The following TRPM4 variants were observed in gnomAD, a reference collection of about 807,000 sequenced individuals.
The protein encoded by TRPM4 is transient receptor potential cation channel subfamily M member 4, also known as calcium-activated non-selective cation channel 1.
A neutral mutation model predicts 135.6 loss-of-function variants in TRPM4; 124 were observed. The observed-to-expected ratio is 0.91, with a 90% CI of 0.79 to 1.06. The LOEUF (loss-of-function observed/expected upper bound fraction) is 1.06. Ranked by LOEUF, TRPM4 falls within the 50% of genes least tolerant of loss-of-function variation. TRPM4 has a pLI of 0.00. For synonymous variants in TRPM4, 745 were observed against 705.6 expected, an observed-to-expected ratio of 1.06 and a Z score of -0.88; for missense variants, 1,658 against 1,671.4, an observed-to-expected ratio of 0.99 and a Z score of 0.14.
chr19:49,176,001 G>A (rs1967678656), intron 9 of TRPM4, among the ~76,000 whole-genome samples: 1 of 148,562 alleles, frequency 6.7e-6, no homozygotes, highest in Non-Finnish European at 1.5e-5. Context: ...TCAGCTCACT[G>A]CAACCTCCTC....
At chr19:49,165,794 A>G (rs886394936) in intron 2 of TRPM4, among the ~76,000 whole-genome samples, 4 of 151,994 alleles carry the variant, frequency 2.6e-5, no homozygotes, top group East Asian at 1.9e-4. Context: ...GGTGACAGTG[A>G]CCTGCTTCTT....
In TRPM4 at chr19:49,171,909, A is replaced by G; in HGVS notation, c.1051-100A>G. 1 of 1,361,284 alleles carries G rather than the reference A, an allele frequency of 7.3e-7. No homozygotes were observed. The highest frequency in any genetic ancestry group is 1.0e-6 in the Non-Finnish European group (1 of 954,050). 84.3% of individuals were successfully genotyped at this position (1,361,284 alleles called of 1,614,324 possible). The stretch of plus-strand genomic sequence containing the variant: ...GAGGGTGCTGGGCATATAGACTATT[A>G]GGTCCTGGAGGGGAATGGCCTCCTC... On this transcript the variant is annotated intron_variant, in intron 8 of 24. Coordinates refer to ENST00000252826, the MANE Select transcript of TRPM4 (RefSeq NM_017636.4). This position sits in a 1 kb window ranked among gnomAD's most constrained non-coding sequence, Gnocchi z 4.7.
At chr19:49,163,705 G>A (rs1437597677) in intron 2 of TRPM4, among the ~76,000 whole-genome samples, 2 of 152,138 alleles carry the variant, frequency 1.3e-5, no homozygotes, top group Non-Finnish European at 2.9e-5. Context: ...CTATTGCCCA[G>A]GCTGTTCTCA....
intron 6 of TRPM4, among the ~76,000 whole-genome samples, chr19:49,169,783 C>T (rs973370067): frequency 4.6e-5 from 7 of 151,820 alleles, no homozygotes; most frequent in Non-Finnish European, 7.4e-5. Flanking sequence ...GCCTCAAACT[C>T]GTGGTCGAAA....
chr19:49,193,670 A>T (rs1193326876), intron 16 of TRPM4, among the ~76,000 whole-genome samples: 1 of 152,042 alleles, frequency 6.6e-6, no homozygotes, highest in Non-Finnish European at 1.5e-5. Context: ...GTGATTCAAG[A>T]TGGCAGATGT....
At chr19:49,184,086 C>T (rs1270207328) in intron 12 of TRPM4, among the ~76,000 whole-genome samples, 1 of 152,010 alleles carries the variant, frequency 6.6e-6, no homozygotes, top group Non-Finnish European at 1.5e-5. Context: ...CTTGGAGTTC[C>T]TTGAGCTTCC....
chr19:49,190,163 G>A (rs1968355660), intron 14 of TRPM4, 45 bp from the exon 15 acceptor site: 1 of 1,544,984 alleles, frequency 6.5e-7, no homozygotes, highest in Non-Finnish European at 9.0e-7. Flanking sequence ...TTAGGGACGG[G>A]GCTGTGGGGG....
intron 16 of TRPM4, among the ~76,000 whole-genome samples, chr19:49,196,128 G>A (rs866212254): frequency 5.3e-5 from 8 of 151,894 alleles, no homozygotes; most frequent in Middle Eastern, 3.4e-3. Context: ...AAAGTGCTGC[G>A]ATTACAGGCG....
At position 49,196,501 on chromosome 19, in the gene TRPM4, T is replaced by TGCTGCGGGGGCC. The variant is rs113100797; in HGVS notation, c.2283_2294dup (p.Cys763_Arg766dup). ...CCCGCGCCAGTCGGGCCGTCCGGGT[T>TGCTGCGGGGGCC]GCTGCGGGGGCCGCTGCGGGGGGCG... is the stretch of plus-strand genomic sequence containing the variant. On this transcript the variant is annotated inframe_insertion, in exon 17 of 25. Coordinates refer to ENST00000252826, the MANE Select transcript of TRPM4 (RefSeq NM_017636.4). The TGCTGCGGGGGCC allele has an allele frequency of 8.4e-6, 13 of 1,555,966 alleles. No individual in the cohort carries two copies. Among genetic ancestry groups the TGCTGCGGGGGCC allele is most frequent in the East Asian group, 2.4e-5 (1 of 41,986 alleles).
intron 16 of TRPM4, among the ~76,000 whole-genome samples, chr19:49,193,509 G>A (rs900671253): frequency 6.6e-6 from 1 of 152,140 alleles, no homozygotes; most frequent in East Asian, 1.9e-4. Flanking sequence ...TGGTAGAGCC[G>A]AGATTTGATC....
rs1335042309 is a variant in TRPM4 at position 49,182,764 on chromosome 19, G to T, written c.1450G>T (p.Ala484Ser). ...CCTTTTGGACCAGGCGTCCCACAGCGCAGGCACCAAAGCCCCAGCCCTAAA... is the reference window on the plus strand; with the variant it reads ...CCTTTTGGACCAGGCGTCCCACAGCTCAGGCACCAAAGCCCCAGCCCTAAA... ...RNLLDQASHS[A>S]GTKAPALKGG... Residue 484 changes from alanine (A) to serine (S), a missense_variant, in exon 11 of 25, where the codon GCA (alanine) becomes TCA (serine). Around this residue, in one of 3 missense-constraint regions of TRPM4, gnomAD observed 1,412 missense variants for 1,408.7 expected, o/e 1.00. Transcript: ENST00000252826. 6.2e-7 allele frequency: 1 copy of T among 1,613,674 alleles called. No individual in the cohort carries two copies. Among genetic ancestry groups the T allele is most frequent in the Non-Finnish European group, 8.5e-7 (1 of 1,179,664 alleles).
chr19:49,184,261 A>G (rs888672276), intron 12 of TRPM4, among the ~76,000 whole-genome samples: 1 of 151,160 alleles, frequency 6.6e-6, no homozygotes, highest in Non-Finnish European at 1.5e-5. Flanking sequence ...GGCTCTGCTT[A>G]TTTTCCTTCA....
chr19:49,210,511 A>G lies in TRPM4; in HGVS notation c.3328+106A>G. The G allele has an allele frequency of 2.0e-6, 3 of 1,472,688 alleles. No individual in the cohort carries two copies. The highest frequency in any genetic ancestry group is 2.8e-6 in the Non-Finnish European group (3 of 1,076,242). 91.2% of individuals were successfully genotyped at this position (1,472,688 alleles called of 1,614,324 possible). On this transcript the variant is annotated intron_variant, in intron 21 of 24. Transcript: ENST00000252826. This position sits in a 1 kb window ranked among gnomAD's most constrained non-coding sequence, Gnocchi z 4.1. ...AATGACTAACGGGCGTGGCTTAGGT[A>G]GCGAGGGGCGGGGTTTAAGCAACAA...
Position 49,211,544 on chromosome 19 carries a change from C to T in TRPM4, c.*46C>T. 1 of 1,613,550 alleles carries T rather than the reference C, an allele frequency of 6.2e-7. No individual in the cohort carries two copies. Among genetic ancestry groups the T allele is most frequent in the South Asian group, 1.1e-5 (1 of 91,084 alleles). Reference sequence around the variant, plus strand: ...GGAGAAGCCCCCACAGGGGATTTTGCTCCTAGAGTAAGGCTCATCTGGGCC... The same window carrying T: ...GGAGAAGCCCCCACAGGGGATTTTGTTCCTAGAGTAAGGCTCATCTGGGCC... On this transcript the variant is annotated 3_prime_UTR_variant, in exon 25 of 25. Transcript: ENST00000252826. The surrounding 1 kb of genome is among the most constrained non-coding windows in gnomAD (Gnocchi z 4.8).
chr19:49,177,327 C>T (rs1600439231), intron 9 of TRPM4, among the ~76,000 whole-genome samples: 3 of 139,098 alleles, frequency 2.2e-5, no homozygotes, highest in South Asian at 4.6e-4. Flanking sequence ...GTCATGAATG[C>T]GTCTTTTTTT....
rs1160531996 is a variant in TRPM4, at chr19:49,172,090, T to C, written c.1132T>C (p.Leu378=). The C allele has an allele frequency of 3.1e-6, 5 of 1,613,736 alleles. No homozygotes were observed. Among genetic ancestry groups the C allele is most frequent in the East Asian group, 2.2e-5 (1 of 44,888 alleles). Residue 378 remains leucine, a synonymous_variant, in exon 9 of 25, where the codon TTG becomes CTG. Transcript: ENST00000252826. ...DGSEEFETIV[L]KALVKACGSS... ...GTCTGAGGAATTCGAGACCATAGTT[T>C]TGAAGGCCCTTGTGAAGGGTAAAAG...
intron 19 of TRPM4, among the ~76,000 whole-genome samples, 185 bp downstream of exon 19, chr19:49,200,970 C>A (rs557583215): frequency 9.2e-5 from 14 of 151,972 alleles, no homozygotes; most frequent in Non-Finnish European, 1.9e-4. Flanking sequence ...TACCCCACCC[C>A]CTCTGTCTTT....
At position 49,170,416 on chromosome 19, in the gene TRPM4, T is replaced by G. The variant is rs140152111; in HGVS notation, c.797-941T>G. Among the ~76,000 whole-genome samples the G allele has an allele frequency of 5.9e-3, 903 of 152,156 alleles. 12 individuals are homozygous for G. Among genetic ancestry groups the G allele is most frequent in the African/African-American group, 0.021 (862 of 41,506 alleles). On this transcript the variant is annotated intron_variant, in intron 6 of 24. Coordinates refer to ENST00000252826, the MANE Select transcript of TRPM4 (RefSeq NM_017636.4). Reference sequence around the variant, plus strand: ...GTTGGCCAGGCTGGTCTTGAACTCTTGACCTCAGGTGATCCACCCGCCTCG... The same window carrying G: ...GTTGGCCAGGCTGGTCTTGAACTCTGGACCTCAGGTGATCCACCCGCCTCG...
intron 16 of TRPM4, 28 bp from the exon 17 acceptor site, chr19:49,196,412 T>C: frequency 6.6e-7 from 1 of 1,515,514 alleles, no homozygotes; most frequent in Non-Finnish European, 8.8e-7. Flanking sequence ...GAGTGAGGCC[T>C]CCTCCCTTCT....
Sources: allele counts gnomAD v4.1 joint callset (sites outside exome capture counted in the v4.1 genomes callset), GRCh38; gene constraint gnomAD v4.1.1; regional missense constraint gnomAD v4.1.1; non-coding constraint Gnocchi (gnomAD v3.1); transcripts MANE v1.5; gene names NCBI Gene and HGNC (gene_info 2026-07-23, HGNC 2026-07-21).